MCM8: variants seen among roughly 807,000 people sequenced by gnomAD.
MCM8 encodes minichromosome maintenance 8 homologous recombination repair factor.
Under a neutral mutation model 98.9 loss-of-function variants are expected in MCM8, and 85 were observed. That is an observed-to-expected ratio of 0.86 (90% CI 0.72 to 1.03). The LOEUF (loss-of-function observed/expected upper bound fraction) is 1.03, where lower values mean the gene tolerates loss of function less well. Among genes scored for constraint, MCM8 ranks in the 50% least tolerant of loss-of-function variants. MCM8 has a pLI of 0.00. For synonymous variants in MCM8, 352 were observed against 338.6 expected (o/e 1.04, Z -0.44); for missense variants, 951 against 997.8 (o/e 0.95, Z 0.63).
intron 14 of MCM8, 114 bp downstream of exon 14, chr20:5,983,279 A>T (rs1016875072): frequency 1.1e-6 from 1 of 906,476 alleles, no homozygotes; most frequent in Non-Finnish European, 1.6e-6. Context: ...CACAGAAGTT[A>T]TAAATGTCCA....
chr20:5,993,863 G>A (rs2089903527), intron 18 of MCM8, 168 bp downstream of exon 18: 1 of 529,516 alleles, frequency 1.9e-6, no homozygotes, highest in Admixed American at 3.3e-5. Context: ...CAGTCTCTAT[G>A]TTTTTCTGAC....
intron 12 of MCM8, among the ~76,000 whole-genome samples, chr20:5,975,497 C>CTTT (rs11476043): frequency 1.6e-5 from 2 of 128,974 alleles, no homozygotes; most frequent in Admixed American, 7.6e-5. Context: ...TTTTTTTGCT[C>CTTT]TTTTTTTTTT....
intron 8 of MCM8, among the ~76,000 whole-genome samples, chr20:5,966,991 A>G (rs921497666): frequency 6.6e-6 from 1 of 151,332 alleles, no homozygotes; most frequent in African/African-American, 2.4e-5. Context: ...CCAGCCATCT[A>G]CTCCTGCTCT....
intron 13 of MCM8, among the ~76,000 whole-genome samples, chr20:5,981,037 CA>C (rs2122785502): frequency 6.6e-6 from 1 of 152,174 alleles, no homozygotes; most frequent in East Asian, 1.9e-4. Context: ...GACAAACAAA[CA>C]AACAGAAAAG....
At chr20:5,951,389 TTAAG>T (rs1248208909) in intron 1 of MCM8, among the ~76,000 whole-genome samples, 1 of 152,220 alleles carries the variant, frequency 6.6e-6, no homozygotes, top group Non-Finnish European at 1.5e-5. Context: ...TAAACCCCTT[TTAAG>T]TAAGGATTTG....
chr20:5,960,842 G>A (rs935947768), intron 7 of MCM8, among the ~76,000 whole-genome samples: 6 of 152,196 alleles, frequency 3.9e-5, no homozygotes, highest in Non-Finnish European at 7.3e-5. Flanking sequence ...GGCTGAGGCC[G>A]GAGAATCGCT....
At chr20:5,992,882 G>A (rs236122) in intron 17 of MCM8, among the ~76,000 whole-genome samples, 37,599 of 152,084 alleles carry the variant, frequency 0.25, 7,114 homozygotes, top group African/African-American at 0.53. Flanking sequence ...ATCAGCAATA[G>A]AGTTGGATTA....
At chr20:5,979,967 T>C (rs1477194824) in intron 13 of MCM8, among the ~76,000 whole-genome samples, 1 of 152,174 alleles carries the variant, frequency 6.6e-6, no homozygotes, top group African/African-American at 2.4e-5. Context: ...TCTAGCTCCA[T>C]TGGTGGCTCT....
intron 13 of MCM8, among the ~76,000 whole-genome samples, chr20:5,980,351 G>A (rs1262445710): frequency 6.6e-6 from 1 of 151,846 alleles, no homozygotes; most frequent in East Asian, 1.9e-4. Context: ...TGCCATACTC[G>A]GCATTCCTAG....
At chr20:5,977,837 T>C in intron 12 of MCM8, 39 bp from the exon 13 acceptor site, 1 of 1,606,810 alleles carries the variant, frequency 6.2e-7, no homozygotes, top group Non-Finnish European at 8.5e-7. Flanking sequence ...TACTTCCCTT[T>C]TACTTTGGAT....
chr20:5,963,260 T>G lies in MCM8; in HGVS notation c.790-14T>G, dbSNP rs372956644. ...TATCAAAATCTGAATGTGAATTACT[T>G]TTGTTTCATTCAGTGTCCTGTGCCT... is the stretch of plus-strand genomic sequence containing the variant. On this transcript the variant is annotated splice_polypyrimidine_tract_variant and intron_variant, in intron 7 of 18. Transcript: ENST00000610722. The G allele has an allele frequency of 3.1e-6, 5 of 1,599,746 alleles. No homozygotes were observed. The highest frequency in any genetic ancestry group is 4.3e-6 in the Non-Finnish European group (5 of 1,167,018).
rs562153857 is a variant in MCM8, at chr20:5,955,110, A to G, written c.345A>G (p.Ile115Met). ...RHIDLYDKDEIERKGSILVDF... is the reference protein window; with the variant it reads ...RHIDLYDKDEMERKGSILVDF... Reference sequence around the variant, plus strand: ...ACTTTTATATTTTATAGGATGAAATAGAAAGAAAGGGAAGTATTTTGGTAG... The same window carrying G: ...ACTTTTATATTTTATAGGATGAAATGGAAAGAAAGGGAAGTATTTTGGTAG... The change falls in exon 5 of 19, where the codon ATA becomes ATG. Residue 115 changes from isoleucine to methionine, a missense_variant. Transcript: ENST00000610722. 3 of 1,593,766 alleles carry G rather than the reference A, an allele frequency of 1.9e-6. No homozygotes were observed. Among genetic ancestry groups the G allele is most frequent in the East Asian group, 4.5e-5 (2 of 44,764 alleles).
rs189589377 is a variant in MCM8 at position 5,974,616 on chromosome 20, A to G, written c.1395+1420A>G. Among the ~76,000 whole-genome samples the G allele has an allele frequency of 1.3e-5, 2 of 152,274 alleles. 1 individual carries two copies. The highest frequency in any genetic ancestry group is 3.9e-4 in the East Asian group (2 of 5,186). ...AAAATACCATAGCCCACTGCAAGCCAATTGAGTTAAGAGTTTCTAAGTTAG... is the reference window on the plus strand; with the variant it reads ...AAAATACCATAGCCCACTGCAAGCCGATTGAGTTAAGAGTTTCTAAGTTAG... On this transcript the variant is annotated intron_variant, in intron 12 of 18. Coordinates refer to ENST00000610722, the MANE Select transcript of MCM8 (RefSeq NM_032485.6).
rs765750427 is a variant in MCM8 at position 5,952,546 on chromosome 20, C to CA, written c.253+24dup. On this transcript the variant is annotated intron_variant, in intron 3 of 18. Transcript: ENST00000610722. ...CTCTGAAGGTAGGGTTTAAAAAGTA[C>CA]AAAAAAGCACCATAAATCATATTTT... is the stretch of plus-strand genomic sequence containing the variant. 2 of 1,580,326 alleles carry CA rather than the reference C, an allele frequency of 1.3e-6. No individual in the cohort carries two copies. Among genetic ancestry groups the CA allele is most frequent in the Non-Finnish European group, 1.7e-6 (2 of 1,154,356 alleles).
chr20:5,961,621 C>A (rs1420252058), intron 7 of MCM8, among the ~76,000 whole-genome samples: 1 of 152,112 alleles, frequency 6.6e-6, no homozygotes, highest in Non-Finnish European at 1.5e-5. Context: ...GAATTTAAAT[C>A]CTGATTTAAA....
At chr20:5,988,554 G>T (rs1000136292) in intron 17 of MCM8, among the ~76,000 whole-genome samples, 10 of 151,870 alleles carry the variant, frequency 6.6e-5, no homozygotes, top group Admixed American at 5.2e-4. Context: ...ATTATTAGCA[G>T]TTTTTTGTGT....
intron 16 of MCM8, 137 bp from the exon 17 acceptor site, chr20:5,987,145 T>C: frequency 1.3e-6 from 1 of 753,150 alleles, no homozygotes; most frequent in Non-Finnish European, 2.1e-6. Flanking sequence ...TACTTCCATA[T>C]TTTGACTTTT....
chr20:5,955,452 A>C (rs2088953306), intron 5 of MCM8, among the ~76,000 whole-genome samples: 2 of 152,228 alleles, frequency 1.3e-5, no homozygotes, highest in Admixed American at 1.3e-4. Flanking sequence ...TATATACAAC[A>C]GCTTATCTAA....
In MCM8 at chr20:5,998,794, A is replaced by G. The variant is rs2089988628; in HGVS notation, c.*4403A>G. 6.6e-6 allele frequency: 1 copy of G among 152,184 alleles called. No individual in the cohort carries two copies. Among genetic ancestry groups the G allele is most frequent in the Non-Finnish European group, 1.5e-5 (1 of 68,026 alleles). 9.4% of individuals were successfully genotyped at this position (152,184 alleles called of 1,614,324 possible). A position where few individuals can be genotyped will look rare whatever the true frequency, so the allele number is the denominator to read the frequency against. ...TAAGGCAATATTAATTCACAAAACT[A>G]CCTACTCGTTTTATTTAACCCTCAG... On this transcript the variant is annotated 3_prime_UTR_variant, in exon 19 of 19. Transcript: ENST00000610722.
Sources: gnomAD v4.1 joint callset for allele counts (sites outside exome capture counted in the v4.1 genomes callset) on GRCh38, gnomAD v4.1.1 for gene constraint, MANE v1.5 for transcripts, NCBI Gene and HGNC (gene_info 2026-07-23, HGNC 2026-07-21) for gene names.